MORC1: variants seen among roughly 807,000 people sequenced by gnomAD.
MORC1 encodes MORC family CW-type zinc finger protein 1.
MORC1 carries 59 observed loss-of-function variants against 134.9 expected under a neutral mutation model. That is an observed-to-expected ratio of 0.44 (90% CI 0.35 to 0.54). MORC1 has a LOEUF of 0.54. MORC1 is among the 20% of genes least tolerant of loss of function. The pLI is 0.00. For missense variants in MORC1, 947 were observed against 1,134.5 expected (o/e 0.83, Z 2.37); for synonymous variants, 395 against 391.7 (o/e 1.01, Z -0.10).
rs372374300 is a variant in MORC1, at chr3:109,031,842, GA to G, written c.1565+877del. Among the ~76,000 whole-genome samples, 22 of 152,006 alleles carry G rather than the reference GA, an allele frequency of 1.4e-4. No homozygotes were observed. The East Asian group carries it at 4.1e-3, about 28-fold the overall frequency. On this transcript the variant is annotated intron_variant, in intron 16 of 27. Coordinates refer to ENST00000232603, the MANE Select transcript of MORC1 (RefSeq NM_014429.4). ...GGTTCTGTGACAAGTTTTTATTTGG[GA>G]AAAACAAGGTTGCATTGCAAAACAA...
intron 23 of MORC1, among the ~76,000 whole-genome samples, chr3:108,982,983 G>T: frequency 6.7e-6 from 1 of 148,168 alleles, no homozygotes. Flanking sequence ...TTCGTGGACT[G>T]TTTCTAACAT....
chr3:109,077,515 T>C (rs906927153), intron 8 of MORC1, among the ~76,000 whole-genome samples: 1 of 152,082 alleles, frequency 6.6e-6, no homozygotes, highest in African/African-American at 2.4e-5. Context: ...AATAAAATCA[T>C]AAGTTTAGAC....
intron 8 of MORC1, among the ~76,000 whole-genome samples, chr3:109,076,878 A>G (rs1950433399): frequency 6.6e-6 from 1 of 151,916 alleles, no homozygotes; most frequent in African/African-American, 2.4e-5. Context: ...CCTAATGTAG[A>G]TGACAGGTTG....
rs1355964325 is a variant in MORC1 at position 108,979,657 on chromosome 3, C to T, written c.2335G>A (p.Val779Met). Residue 779 changes from valine (V) to methionine (M), a missense_variant, in exon 24 of 28, where the codon GTG becomes ATG. Val to Met is a conservative substitution (Grantham distance 21). This residue lies in a region of MORC1 where 722 missense variants were observed against 817.0 expected (regional missense o/e 0.88). Coordinates refer to ENST00000232603, the MANE Select transcript of MORC1 (RefSeq NM_014429.4). Reference sequence around the variant, plus strand: ...CTTAGATTCACATCTTCCATCGGCACATTGAGCAAGCTGAGGTTTGTCATT... The same window carrying T: ...CTTAGATTCACATCTTCCATCGGCATATTGAGCAAGCTGAGGTTTGTCATT... ...SLPSWKSLLN[V>M]PMEDVNLSSG... The T allele has an allele frequency of 1.9e-6, 3 of 1,613,404 alleles. No individual in the cohort carries two copies. Among genetic ancestry groups the T allele is most frequent in the African/African-American group, 1.3e-5 (1 of 74,904 alleles).
chr3:109,081,964 G>T (rs916769799), intron 8 of MORC1, among the ~76,000 whole-genome samples: 1 of 152,014 alleles, frequency 6.6e-6, no homozygotes, highest in Non-Finnish European at 1.5e-5. Flanking sequence ...AGGGAGAAAC[G>T]TCCTTGAGGA....
At chr3:108,997,524 TAAAATAAA>T (rs930475166) in intron 21 of MORC1, among the ~76,000 whole-genome samples, 1 of 151,594 alleles carries the variant, frequency 6.6e-6, no homozygotes, top group Non-Finnish European at 1.5e-5. Flanking sequence ...ATTTAAAAGG[TAAAATAAA>T]AAAATAAAAA....
intron 8 of MORC1, among the ~76,000 whole-genome samples, chr3:109,077,203 G>A (rs930552773): frequency 6.6e-6 from 1 of 152,048 alleles, no homozygotes; most frequent in African/African-American, 2.4e-5. Flanking sequence ...CACTTGTAGA[G>A]ATACAAAGCT....
chr3:109,096,183 T>A (rs557578725), intron 6 of MORC1, among the ~76,000 whole-genome samples: 1 of 152,216 alleles, frequency 6.6e-6, no homozygotes, highest in African/African-American at 2.4e-5. Flanking sequence ...TCTTGGAAAT[T>A]AAGAATATGA....
At chr3:109,085,821 T>C (rs1042349085) in intron 8 of MORC1, among the ~76,000 whole-genome samples, 6 of 152,086 alleles carry the variant, frequency 3.9e-5, no homozygotes, top group Non-Finnish European at 7.4e-5. Context: ...CTATTCAACA[T>C]AGCCAAAATA....
chr3:109,016,048 A>G (rs1185465016), intron 17 of MORC1, among the ~76,000 whole-genome samples: 1 of 152,212 alleles, frequency 6.6e-6, no homozygotes, highest in Non-Finnish European at 1.5e-5. Flanking sequence ...GTCTCAAGGT[A>G]ATTTTATACA....
chr3:109,040,474 A>AAGAG (rs1949506003), intron 14 of MORC1, among the ~76,000 whole-genome samples: 1 of 150,078 alleles, frequency 6.7e-6, no homozygotes, highest in African/African-American at 2.5e-5. Flanking sequence ...GAAAGAAAGA[A>AAGAG]AGAAAGAAAG....
rs570838870 is a variant in MORC1, at chr3:109,054,088, C to T, written c.1330+640G>A. 2.6e-3 allele frequency among the ~76,000 whole-genome samples: 389 copies of T among 152,024 alleles called. 1 individual carries two copies. The highest frequency in any genetic ancestry group is 4.3e-3 in the Non-Finnish European group (295 of 67,974). ...CACGAGGTCAGGAGTTCAAGACCAGCCTGGCCAAGATGGTAAAACTCTGTC... is the reference window on the plus strand; with the variant it reads ...CACGAGGTCAGGAGTTCAAGACCAGTCTGGCCAAGATGGTAAAACTCTGTC... On this transcript the variant is annotated intron_variant, in intron 14 of 27. Transcript: ENST00000232603.
chr3:108,961,847 C>T (rs557612395), intron 27 of MORC1, among the ~76,000 whole-genome samples: 65 of 152,148 alleles, frequency 4.3e-4, no homozygotes, highest in Non-Finnish European at 8.8e-4. Flanking sequence ...CTTAGCCTAA[C>T]GTGGATTTGC....
At chr3:109,024,353 C>T (rs1374770968) in intron 17 of MORC1, among the ~76,000 whole-genome samples, 3 of 152,106 alleles carry the variant, frequency 2.0e-5, no homozygotes, top group Non-Finnish European at 4.4e-5. Flanking sequence ...ATAGATATAA[C>T]TAGCTGGAAT....
rs750339692 is a variant in MORC1, at chr3:108,979,531, G to C, written c.2461C>G (p.Leu821Val). Residue 821 changes from leucine (L) to valine (V), a missense_variant, in exon 24 of 28, where the codon CTG becomes GTG. This residue lies in a region of MORC1 where 722 missense variants were observed against 817.0 expected (regional missense o/e 0.88). Transcript: ENST00000232603. ...STPVKETVRK[L>V]KSKLREILLY... ...TATCTTTACCTTAACTTAGACTTCA[G>C]TTTTCTCACTGTTTCCTTGACAGGT... 6.2e-7 allele frequency: 1 copy of C among 1,613,934 alleles called. No homozygotes were observed. The highest frequency in any genetic ancestry group is 2.2e-5 in the East Asian group (1 of 44,870).
chr3:109,047,759 A>C (rs1949725997), intron 14 of MORC1, among the ~76,000 whole-genome samples: 1 of 152,200 alleles, frequency 6.6e-6, no homozygotes, highest in African/African-American at 2.4e-5. Context: ...AGCAGTATAG[A>C]GTTCAGTTGC....
intron 2 of MORC1, among the ~76,000 whole-genome samples, chr3:109,111,019 T>C (rs1951154194): frequency 8.7e-6 from 1 of 114,678 alleles, no homozygotes; most frequent in Non-Finnish European, 1.9e-5. Context: ...TAGTGGGAAT[T>C]ACACAAAAAA....
chr3:108,971,219 T>C (rs951619060), intron 25 of MORC1, 111 bp downstream of exon 25: 8 of 857,966 alleles, frequency 9.3e-6, no homozygotes, highest in Non-Finnish European at 1.5e-5. Context: ...TGCTCATCTT[T>C]ATTCACTTAA....
chr3:109,101,143 G>C (rs907421543), intron 4 of MORC1, among the ~76,000 whole-genome samples: 3 of 152,148 alleles, frequency 2.0e-5, no homozygotes, highest in African/African-American at 7.2e-5. Flanking sequence ...GAAGATAAAT[G>C]AAACAAATGA....
Sources: allele counts gnomAD v4.1 joint callset (sites outside exome capture counted in the v4.1 genomes callset), GRCh38; gene constraint gnomAD v4.1.1; regional missense constraint gnomAD v4.1.1; transcripts MANE v1.5; gene names NCBI Gene and HGNC (gene_info 2026-07-23, HGNC 2026-07-21).